The following TRAM1 variants were observed in gnomAD, a reference collection of about 807,000 sequenced individuals.
TRAM1 encodes the protein translocation associated membrane protein 1.
TRAM1 carries 17 observed loss-of-function variants against 48.7 expected under a neutral mutation model. The observed-to-expected ratio is 0.35, with a 90% CI of 0.24 to 0.52. The LOEUF is 0.52. TRAM1 is among the 20% of genes least tolerant of loss of function. The pLI is 0.94. For missense variants in TRAM1, 351 were observed against 441.5 expected (o/e 0.79, Z 1.84); for synonymous variants, 182 against 154.0 (o/e 1.18, Z -1.34).
chr8:70,588,503 T>C (rs1817276484), intron 6 of TRAM1, among the ~76,000 whole-genome samples: 1 of 152,084 alleles, frequency 6.6e-6, no homozygotes, highest in Non-Finnish European at 1.5e-5. Flanking sequence ...GGCAGAAAGA[T>C]TGCTTGAGCC....
In TRAM1 at chr8:70,573,742, CT is replaced by C. The variant is rs1268349426; in HGVS notation, c.*1189del. The C allele has an allele frequency of 2.6e-5, 4 of 152,392 alleles. No individual in the cohort carries two copies. Among genetic ancestry groups the C allele is most frequent in the Non-Finnish European group, 5.9e-5 (4 of 68,018 alleles). 9.4% of individuals were successfully genotyped at this position (152,392 alleles called of 1,614,324 possible). On this transcript the variant is annotated 3_prime_UTR_variant, in exon 11 of 11. Coordinates refer to ENST00000262213, the MANE Select transcript of TRAM1 (RefSeq NM_014294.6). ...AACACTGAAAAGAACAATATATATA[CT>C]GTAAATATGATGAATAAACCAAATG...
intron 2 of TRAM1, among the ~76,000 whole-genome samples, chr8:70,598,648 CA>C (rs1341107806): frequency 2.6e-5 from 4 of 152,134 alleles, no homozygotes; most frequent in African/African-American, 9.7e-5. Flanking sequence ...TTTCTAACTA[CA>C]CACTAAATTA....
At position 70,608,314 on chromosome 8, in the gene TRAM1, C is replaced by G. The variant is rs1260480155; in HGVS notation, c.-115G>C. On this transcript the variant is annotated 5_prime_UTR_variant, in exon 1 of 11. Transcript: ENST00000262213. ...GCTCCTCACGGCCCCGCTGCAGCCGCTCGCTGGGGCTTCACTTCCCATCCC... is the reference window on the plus strand; with the variant it reads ...GCTCCTCACGGCCCCGCTGCAGCCGGTCGCTGGGGCTTCACTTCCCATCCC... 3.7e-6 allele frequency: 5 copies of G among 1,361,486 alleles called. No homozygotes were observed. The allele number at this position is 1,361,486 out of a possible 1,614,324, so 84.3% of individuals were successfully genotyped here.
intron 6 of TRAM1, among the ~76,000 whole-genome samples, chr8:70,591,217 T>C (rs1021183633): frequency 2.0e-5 from 3 of 152,124 alleles, no homozygotes; most frequent in Admixed American, 6.5e-5. Flanking sequence ...AGCCATCCCC[T>C]TGCCTCAGCC....
intron 2 of TRAM1, among the ~76,000 whole-genome samples, chr8:70,598,630 A>G (rs1817540652): frequency 6.6e-6 from 1 of 152,192 alleles, no homozygotes; most frequent in Non-Finnish European, 1.5e-5. Flanking sequence ...GAAACTTTCT[A>G]CTTCTACTTT....
chr8:70,595,588 C>T (rs1817469618), intron 5 of TRAM1, among the ~76,000 whole-genome samples: 1 of 152,076 alleles, frequency 6.6e-6, no homozygotes, highest in Non-Finnish European at 1.5e-5. Context: ...TACCAAGGCA[C>T]ATATAGTCTT....
chr8:70,577,326 T>C (rs1394929176), intron 10 of TRAM1, among the ~76,000 whole-genome samples: 5 of 152,146 alleles, frequency 3.3e-5, no homozygotes, highest in African/African-American at 1.2e-4. Context: ...GAAGCCCCCC[T>C]CTTCAAGCCA....
intron 1 of TRAM1, chr8:70,607,604 G>A: frequency 7.1e-6 from 4 of 559,756 alleles, no homozygotes; most frequent in Non-Finnish European, 9.1e-6. Context: ...AGACCCGGGG[G>A]CCGGGCCTCG....
chr8:70,599,273 A>C (rs1020652455), intron 2 of TRAM1, among the ~76,000 whole-genome samples: 26 of 152,178 alleles, frequency 1.7e-4, no homozygotes, highest in African/African-American at 6.3e-4. Context: ...TCTTAAAAAC[A>C]CACATATAAA....
Position 70,574,702 on chromosome 8 carries a change from G to C in TRAM1, c.*230C>G. 1 of 371,530 alleles carries C rather than the reference G, an allele frequency of 2.7e-6. No homozygotes were observed. Among genetic ancestry groups the C allele is most frequent in the East Asian group, 5.3e-5 (1 of 19,020 alleles). 23.0% of individuals were successfully genotyped at this position (371,530 alleles called of 1,614,324 possible). On this transcript the variant is annotated 3_prime_UTR_variant, in exon 11 of 11. Transcript: ENST00000262213. ...AAAAACAAAATAAAATATGGTGGTG[G>C]TCCCTAAACTATTTTGAAGGCAGGT...
chr8:70,579,050 A>G (rs994898581), intron 10 of TRAM1, among the ~76,000 whole-genome samples: 1 of 152,244 alleles, frequency 6.6e-6, no homozygotes, highest in Non-Finnish European at 1.5e-5. Flanking sequence ...TTTATAAATA[A>G]AACTTTATCA....
rs1226163589 is a variant in TRAM1 at position 70,597,927 on chromosome 8, CA to C, written c.393del (p.Phe131LeufsTer30). ...ESGQLSAFYL[F>X]ACVWGTFILI... ...AGAATGAATGTGCCCCAAACACAGG[CA>C]AAAAGGTAGAACGCACTAAGCTGAC... On this transcript the variant is annotated frameshift_variant, in exon 4 of 11. Coordinates refer to ENST00000262213, the MANE Select transcript of TRAM1 (RefSeq NM_014294.6). LOFTEE classifies it high-confidence loss of function. 3 of 1,600,118 alleles carry C rather than the reference CA, an allele frequency of 1.9e-6. No homozygotes were observed. Among genetic ancestry groups the C allele is most frequent in the South Asian group, 1.1e-5 (1 of 88,540 alleles).
At chr8:70,599,576 A>G (rs1817561851) in intron 2 of TRAM1, among the ~76,000 whole-genome samples, 1 of 152,238 alleles carries the variant, frequency 6.6e-6, no homozygotes, top group Non-Finnish European at 1.5e-5. Flanking sequence ...AATTGTTAAA[A>G]GTAGAGCACA....
In TRAM1 at chr8:70,574,130, C is replaced by T. The variant is rs1453656835; in HGVS notation, c.*802G>A. ...TTTCTAAGATGCTGTGCATATTAAA[C>T]TTATTATGAGCCCCATTAAGAATCA... is the stretch of plus-strand genomic sequence containing the variant. On this transcript the variant is annotated 3_prime_UTR_variant, in exon 11 of 11. Coordinates refer to ENST00000262213, the MANE Select transcript of TRAM1 (RefSeq NM_014294.6). 3.1e-6 allele frequency: 1 copy of T among 321,162 alleles called. No homozygotes were observed. The highest frequency in any genetic ancestry group is 5.9e-6 in the Non-Finnish European group (1 of 168,718). The allele number at this position is 321,162 out of a possible 1,614,324, so 19.9% of individuals were successfully genotyped here.
chr8:70,583,014 G>T, intron 10 of TRAM1, 150 bp downstream of exon 10: 1 of 815,334 alleles, frequency 1.2e-6, no homozygotes, highest in Non-Finnish European at 1.8e-6. Context: ...ATTGTGGAAT[G>T]CAGTAAGATT....
chr8:70,602,271 G>A (rs765665558), intron 1 of TRAM1, among the ~76,000 whole-genome samples: 3 of 152,198 alleles, frequency 2.0e-5, no homozygotes, highest in Non-Finnish European at 4.4e-5. Context: ...GCAGTGGACT[G>A]AAGAACACAG....
chr8:70,583,311 C>A lies in TRAM1; in HGVS notation c.904G>T (p.Ala302Ser), dbSNP rs146336343. ...NVLAVRIAVL[A>S]SICVTQAFMM... is the part of the protein sequence containing the mutation. ...AATGCCTGAGTAACGCAAATGGATG[C>A]CAGAACAGCGATTCTAAGAAATATT... The change falls in exon 10 of 11, where the codon GCA becomes TCA. Residue 302 changes from alanine to serine, a missense_variant. Coordinates refer to ENST00000262213, the MANE Select transcript of TRAM1 (RefSeq NM_014294.6). The A allele has an allele frequency of 1.9e-6, 3 of 1,612,958 alleles. No homozygotes were observed. Among genetic ancestry groups the A allele is most frequent in the Non-Finnish European group, 2.5e-6 (3 of 1,179,654 alleles).
chr8:70,576,742 G>T (rs1477227057), intron 10 of TRAM1, among the ~76,000 whole-genome samples: 1 of 152,160 alleles, frequency 6.6e-6, no homozygotes, highest in Non-Finnish European at 1.5e-5. Context: ...CCAGGGCTGT[G>T]TGCTCCACAT....
At position 70,598,014 on chromosome 8, in the gene TRAM1, A is replaced by T; in HGVS notation, c.310-3T>A. 6.3e-7 allele frequency: 1 copy of T among 1,577,318 alleles called. No individual in the cohort carries two copies. The highest frequency in any genetic ancestry group is 8.6e-7 in the Non-Finnish European group (1 of 1,160,912). ...AAGTGCATTCGCCTGTTAATTTTCT[A>T]AAAATAAAAACAGCCATTAGTAATT... On this transcript the variant is annotated splice_polypyrimidine_tract_variant and splice_region_variant and intron_variant, in intron 3 of 10. Coordinates refer to ENST00000262213, the MANE Select transcript of TRAM1 (RefSeq NM_014294.6).
Sources: allele counts gnomAD v4.1 joint callset (sites outside exome capture counted in the v4.1 genomes callset), GRCh38; gene constraint gnomAD v4.1.1; transcripts MANE v1.5; gene names NCBI Gene and HGNC (gene_info 2026-07-23, HGNC 2026-07-21).